WWOX: variants seen among roughly 807,000 people sequenced by gnomAD.
The protein encoded by WWOX is WW domain-containing oxidoreductase.
Under a neutral mutation model 46.2 loss-of-function variants are expected in WWOX, and 69 were observed. The ratio of observed to expected loss-of-function variants is 1.49; its 90% CI spans 1.23 to 1.82. The LOEUF (loss-of-function observed/expected upper bound fraction) is 1.82, where lower values mean the gene tolerates loss of function less well. Ranked by LOEUF, WWOX falls within the 40% of genes most tolerant of loss-of-function variation. WWOX has a pLI of 0.00. For missense variants in WWOX, 919 were observed against 542.6 expected (o/e 1.69, Z -6.89); for synonymous variants, 359 against 202.6 (o/e 1.77, Z -6.56).
chr16:78,707,284 G>A (rs1013051463), intron 8 of WWOX, among the ~76,000 whole-genome samples: 6 of 152,134 alleles, frequency 3.9e-5, no homozygotes, highest in African/African-American at 4.8e-5. Flanking sequence ...AGAAGTTAAC[G>A]TACATGCAAA....
intron 8 of WWOX, among the ~76,000 whole-genome samples, chr16:78,557,638 T>G (rs1407281341): frequency 6.6e-6 from 1 of 151,446 alleles, no homozygotes; most frequent in Non-Finnish European, 1.5e-5. Flanking sequence ...ACTGTCTTAT[T>G]TTTCATTTTG....
At chr16:78,425,089 C>G (rs942917595) in intron 7 of WWOX, 34 bp downstream of exon 7, 1 of 1,610,830 alleles carries the variant, frequency 6.2e-7, no homozygotes, top group South Asian at 1.1e-5. Context: ...TCACTTATCC[C>G]CTTTCTCATA....
intron 8 of WWOX, among the ~76,000 whole-genome samples, chr16:78,813,155 T>A (rs1337503254): frequency 1.3e-5 from 2 of 152,030 alleles, no homozygotes; most frequent in African/African-American, 4.8e-5. Context: ...GAAAAAAAAA[T>A]TCAGCATCTC....
intron 5 of WWOX, among the ~76,000 whole-genome samples, chr16:78,195,554 G>A (rs1244136798): frequency 6.6e-6 from 1 of 151,962 alleles, no homozygotes; most frequent in Non-Finnish European, 1.5e-5. Context: ...AAAAAGAGCG[G>A]CTCACACCTG....
At chr16:78,696,282 A>G (rs142670833) in intron 8 of WWOX, among the ~76,000 whole-genome samples, 2 of 152,244 alleles carry the variant, frequency 1.3e-5, no homozygotes, top group East Asian at 3.9e-4. Flanking sequence ...GATTTTCTAC[A>G]GCTCATATTG....
chr16:78,587,114 C>T (rs1011609368), intron 8 of WWOX, among the ~76,000 whole-genome samples: 1 of 151,944 alleles, frequency 6.6e-6, no homozygotes, highest in Non-Finnish European at 1.5e-5. Flanking sequence ...TAGCCTTGAC[C>T]TCCCAGGCTC....
At chr16:78,486,039 T>A (rs1396447197) in intron 8 of WWOX, among the ~76,000 whole-genome samples, 1 of 152,228 alleles carries the variant, frequency 6.6e-6, no homozygotes, top group Non-Finnish European at 1.5e-5. Context: ...ATGTTTTATC[T>A]GAAAACAAAA....
At chr16:79,087,768 T>C (rs1029778105) in intron 8 of WWOX, among the ~76,000 whole-genome samples, 1 of 152,226 alleles carries the variant, frequency 6.6e-6, no homozygotes, top group East Asian at 1.9e-4. Flanking sequence ...TCTGCTCTTT[T>C]AGTTTAGTAC....
chr16:78,965,959 G>A (rs1308820117), intron 8 of WWOX, among the ~76,000 whole-genome samples: 2 of 152,138 alleles, frequency 1.3e-5, no homozygotes, highest in African/African-American at 2.4e-5. Context: ...AAGTAGAGTT[G>A]GAGGAAGGAG....
chr16:78,852,579 C>T (rs906210285), intron 8 of WWOX, among the ~76,000 whole-genome samples: 50 of 152,082 alleles, frequency 3.3e-4, no homozygotes, highest in African/African-American at 1.0e-3. Context: ...TTAGGAGACA[C>T]CCAAGTCAAA....
chr16:78,886,639 C>CATATATAT (rs3085495), intron 8 of WWOX, among the ~76,000 whole-genome samples: 6,609 of 144,712 alleles, frequency 0.046, 288 homozygotes, highest in East Asian at 0.2. Flanking sequence ...CAAAGAAAAA[C>CATATATAT]ATATATATAT....
chr16:78,527,877 C>T (rs143451302), intron 8 of WWOX, among the ~76,000 whole-genome samples: 1 of 151,712 alleles, frequency 6.6e-6, no homozygotes, highest in East Asian at 1.9e-4. Flanking sequence ...TGCTAAGGAT[C>T]CTGCAGTGCA....
chr16:78,944,932 A>T (rs995626135), intron 8 of WWOX, among the ~76,000 whole-genome samples: 1 of 152,180 alleles, frequency 6.6e-6, no homozygotes, highest in Non-Finnish European at 1.5e-5. Flanking sequence ...TAATCCCAGC[A>T]CTTTCAGAGG....
At chr16:78,691,078 G>C (rs1266603635) in intron 8 of WWOX, among the ~76,000 whole-genome samples, 1 of 152,130 alleles carries the variant, frequency 6.6e-6, no homozygotes, top group Non-Finnish European at 1.5e-5. Context: ...ATGTATTAAT[G>C]ACTTCTTTTT....
chr16:79,053,621 C>G (rs1049695698), intron 8 of WWOX, among the ~76,000 whole-genome samples: 2 of 152,144 alleles, frequency 1.3e-5, no homozygotes, highest in Non-Finnish European at 2.9e-5. Context: ...ATTCCGATCA[C>G]TTTAATTTCT....
chr16:78,951,857 G>A (rs2046066909), intron 8 of WWOX, among the ~76,000 whole-genome samples: 1 of 152,160 alleles, frequency 6.6e-6, no homozygotes, highest in Non-Finnish European at 1.5e-5. Context: ...CATGCCAAAG[G>A]CAGATAGCAA....
chr16:78,800,553 G>A (rs868568110), intron 8 of WWOX, among the ~76,000 whole-genome samples: 1 of 152,162 alleles, frequency 6.6e-6, no homozygotes, highest in African/African-American at 2.4e-5. Flanking sequence ...CTGCAAACGT[G>A]AATTAATATG....
intron 5 of WWOX, among the ~76,000 whole-genome samples, chr16:78,309,762 T>G (rs1018264168): frequency 6.6e-6 from 1 of 152,142 alleles, no homozygotes; most frequent in Non-Finnish European, 1.5e-5. Flanking sequence ...ATAAGAGAAA[T>G]GAAAGGATGA....
At chr16:78,735,426 C>CACACACACACACACACACACACACA (rs57609552) in intron 8 of WWOX, among the ~76,000 whole-genome samples, 1 of 150,190 alleles carries the variant, frequency 6.7e-6, no homozygotes, top group African/African-American at 2.5e-5. Flanking sequence ...CACACACACA[C>CACACACACACACACACACACACACA]TAATATGGTT....
Sources: gnomAD v4.1 joint callset for allele counts (sites outside exome capture counted in the v4.1 genomes callset) on GRCh38, gnomAD v4.1.1 for gene constraint, MANE v1.5 for transcripts, NCBI Gene and HGNC (gene_info 2026-07-23, HGNC 2026-07-21) for gene names.